TAFA2: variants seen among roughly 807,000 people sequenced by gnomAD.
TAFA2 encodes TAFA chemokine like family member 2.
A neutral mutation model predicts 18.8 loss-of-function variants in TAFA2; 7 were observed. The ratio of observed to expected loss-of-function variants is 0.37; its 90% CI spans 0.21 to 0.70. The LOEUF (loss-of-function observed/expected upper bound fraction) is 0.70. Among genes scored for constraint, TAFA2 ranks in the 30% least tolerant of loss-of-function variants. The pLI is 0.53. For missense variants in TAFA2, 122 were observed against 158.1 expected (o/e 0.77, Z 1.23); for synonymous variants, 60 against 54.2 (o/e 1.11, Z -0.47).
chr12:61,966,226 C>T (rs1256831780), intron 1 of TAFA2, among the ~76,000 whole-genome samples: 1 of 151,872 alleles, frequency 6.6e-6, no homozygotes, highest in African/African-American at 2.4e-5. Flanking sequence ...AAAGAACAGA[C>T]ATTTATTTCT....
chr12:62,249,606 C>T (rs1412509801), intron 1 of TAFA2, among the ~76,000 whole-genome samples: 1 of 152,126 alleles, frequency 6.6e-6, no homozygotes, highest in Non-Finnish European at 1.5e-5. Context: ...TCCCTTAGGT[C>T]AAAATTTCTG....
At chr12:61,925,973 A>G (rs1877272374) in intron 1 of TAFA2, among the ~76,000 whole-genome samples, 1 of 152,198 alleles carries the variant, frequency 6.6e-6, no homozygotes, top group Admixed American at 6.5e-5. Context: ...TAAAGAAGAA[A>G]AAAGAGAAGA....
intron 2 of TAFA2, 33 bp from the exon 3 acceptor site, chr12:61,755,057 GA>G (rs1171405867): frequency 1.2e-6 from 2 of 1,608,532 alleles, no homozygotes; most frequent in Non-Finnish European, 1.7e-6. Context: ...ACAACATTGA[GA>G]AAGCTTTGGA....
intron 1 of TAFA2, among the ~76,000 whole-genome samples, chr12:61,975,514 CGTGTGTGTGTGTGT>C (rs3031098): frequency 7.3e-6 from 1 of 136,560 alleles, no homozygotes; most frequent in African/African-American, 2.8e-5. Flanking sequence ...CAATAATATT[CGTGTGTGTGTGTGT>C]GTGTGTGTGT....
At chr12:62,244,801 T>C (rs1271782512) in intron 1 of TAFA2, among the ~76,000 whole-genome samples, 3 of 152,216 alleles carry the variant, frequency 2.0e-5, no homozygotes, top group Non-Finnish European at 4.4e-5. Flanking sequence ...CATTGCACTT[T>C]TATTTTGCCT....
intron 1 of TAFA2, among the ~76,000 whole-genome samples, chr12:62,017,432 A>G (rs1880974991): frequency 6.6e-6 from 1 of 152,172 alleles, no homozygotes; most frequent in Middle Eastern, 3.2e-3. Flanking sequence ...TGCTATATAC[A>G]AGATGCTGTG....
intron 2 of TAFA2, among the ~76,000 whole-genome samples, chr12:61,785,415 G>A (rs920445160): frequency 1.3e-4 from 20 of 149,124 alleles, no homozygotes; most frequent in Non-Finnish European, 3.0e-4. Context: ...AGACACCTAA[G>A]TTGTTTCCAT....
At chr12:61,732,078 T>C (rs1383822039) in intron 4 of TAFA2, among the ~76,000 whole-genome samples, 1 of 152,034 alleles carries the variant, frequency 6.6e-6, no homozygotes, top group Non-Finnish European at 1.5e-5. Context: ...AGAGGGACTT[T>C]TGAGACAGGG....
At chr12:62,004,080 T>C (rs1274876161) in intron 1 of TAFA2, among the ~76,000 whole-genome samples, 1 of 152,146 alleles carries the variant, frequency 6.6e-6, no homozygotes, top group Non-Finnish European at 1.5e-5. Context: ...TATTATATAT[T>C]ATAAATGAAT....
Position 61,853,599 on chromosome 12 carries a change from C to T in TAFA2, c.106+13721G>A, listed in dbSNP as rs1385910184. On this transcript the variant is annotated intron_variant, in intron 2 of 4. Coordinates refer to ENST00000416284, the MANE Select transcript of TAFA2 (RefSeq NM_178539.5). ...CAAAACTGGAAGCATCACGTCCATC[C>T]TGGAAGGAGTGAGGGCTATAAGTGG... Among the ~76,000 whole-genome samples the T allele has an allele frequency of 2.0e-5, 3 of 152,146 alleles. No individual in the cohort carries two copies. The East Asian group carries it at 5.8e-4, about 29-fold the overall frequency.
chr12:61,966,013 A>T (rs1879053736), intron 1 of TAFA2, among the ~76,000 whole-genome samples: 1 of 151,890 alleles, frequency 6.6e-6, no homozygotes, highest in Non-Finnish European at 1.5e-5. Flanking sequence ...TTTAAATAAC[A>T]TCGCTGTGAA....
chr12:61,995,971 T>C (rs1880172686), intron 1 of TAFA2, among the ~76,000 whole-genome samples: 1 of 152,124 alleles, frequency 6.6e-6, no homozygotes, highest in Non-Finnish European at 1.5e-5. Flanking sequence ...CCAATAATTC[T>C]GTCCCCCTCC....
intron 1 of TAFA2, among the ~76,000 whole-genome samples, chr12:61,907,723 A>T (rs1453775888): frequency 1.3e-5 from 2 of 152,104 alleles, no homozygotes; most frequent in Non-Finnish European, 2.9e-5. Flanking sequence ...AGCTGCAGAC[A>T]CTCAACACCT....
At chr12:61,760,462 T>C (rs1333103302) in intron 2 of TAFA2, among the ~76,000 whole-genome samples, 1 of 149,982 alleles carries the variant, frequency 6.7e-6, no homozygotes, top group Non-Finnish European at 1.5e-5. Context: ...ATGAAATATG[T>C]ATGCATACGT....
chr12:62,234,939 T>C, intron 1 of TAFA2: 1 of 754,356 alleles, frequency 1.3e-6, no homozygotes, highest in African/African-American at 1.7e-5. Flanking sequence ...GGGCATAGCC[T>C]GGGCCTCAGT....
intron 1 of TAFA2, chr12:61,879,945 T>C: frequency 3.4e-6 from 3 of 893,030 alleles, no homozygotes; most frequent in South Asian, 1.3e-5. Flanking sequence ...AAGAACAAGG[T>C]AGAGCTGGAG....
At chr12:61,860,611 T>C (rs928603508) in intron 2 of TAFA2, among the ~76,000 whole-genome samples, 2 of 137,212 alleles carry the variant, frequency 1.5e-5, no homozygotes, top group South Asian at 2.6e-4. Context: ...TCTTTGCTCT[T>C]TGCTCTCTGC....
chr12:61,893,540 G>A (rs1256637385), intron 1 of TAFA2, among the ~76,000 whole-genome samples: 1 of 152,172 alleles, frequency 6.6e-6, no homozygotes, highest in Non-Finnish European at 1.5e-5. Context: ...ATGGCAGGAC[G>A]AAAGCTCATG....
At chr12:61,961,303 G>A (rs1182997554) in intron 1 of TAFA2, among the ~76,000 whole-genome samples, 1 of 151,886 alleles carries the variant, frequency 6.6e-6, no homozygotes, top group Non-Finnish European at 1.5e-5. Flanking sequence ...TTGGACATGA[G>A]ATTTGGGAAG....
Sources: allele counts gnomAD v4.1 joint callset (sites outside exome capture counted in the v4.1 genomes callset), GRCh38; gene constraint gnomAD v4.1.1; transcripts MANE v1.5; gene names NCBI Gene and HGNC (gene_info 2026-07-23, HGNC 2026-07-21).